Variants in ARB2A observed in about 807,000 individuals in gnomAD.
ARB2A encodes cotranscriptional regulator ARB2A.
At chr5:93,745,281 T>C in the ARB2A span, among the ~76,000 whole-genome samples, 2 of 152,196 alleles carry the variant, frequency 1.3e-5, no homozygotes, top group African/African-American at 4.8e-5. Flanking sequence ...CCCTCCCCTC[T>C]AAACTTACTG....
the ARB2A span, among the ~76,000 whole-genome samples, chr5:93,963,323 T>C: frequency 6.6e-6 from 1 of 151,892 alleles, no homozygotes; most frequent in Non-Finnish European, 1.5e-5. Flanking sequence ...GGAAGAAAAA[T>C]TTCCAAATAA....
chr5:93,882,059 T>G, the ARB2A span, among the ~76,000 whole-genome samples: 1 of 151,584 alleles, frequency 6.6e-6, no homozygotes, highest in African/African-American at 2.4e-5. Flanking sequence ...TACTATCTGT[T>G]TTGAGAAAAC....
chr5:93,676,427 T>G, the ARB2A span, among the ~76,000 whole-genome samples: 3 of 152,244 alleles, frequency 2.0e-5, no homozygotes, highest in Non-Finnish European at 4.4e-5. Flanking sequence ...TGTTTATGCT[T>G]CATTTTGCAA....
the ARB2A span, among the ~76,000 whole-genome samples, chr5:93,957,124 C>G: frequency 6.6e-6 from 1 of 152,098 alleles, no homozygotes; most frequent in African/African-American, 2.4e-5. Context: ...ATGTTACTGA[C>G]AAACTTCCTC....
chr5:93,701,055 A>G, the ARB2A span, among the ~76,000 whole-genome samples: 1 of 152,156 alleles, frequency 6.6e-6, no homozygotes, highest in African/African-American at 2.4e-5. Flanking sequence ...ATGTGTTTGT[A>G]TCTAATCTAA....
At chr5:94,055,636 T>C in the ARB2A span, 1 of 985,310 alleles carries the variant, frequency 1.0e-6, no homozygotes, top group Non-Finnish European at 1.2e-6. Flanking sequence ...TTGACAATTC[T>C]TCATTCATTA....
the ARB2A span, among the ~76,000 whole-genome samples, chr5:94,020,341 G>A: frequency 6.6e-5 from 10 of 152,168 alleles, no homozygotes; most frequent in Non-Finnish European, 1.2e-4. Flanking sequence ...AGGTTGATGC[G>A]TGCAGCAAAC....
At chr5:93,741,242 G>T in the ARB2A span, 59 of 1,613,782 alleles carry the variant, frequency 3.7e-5, no homozygotes, top group Non-Finnish European at 4.8e-5. Flanking sequence ...GGAATGCTCC[G>T]CAGGGCAATG....
At chr5:93,848,810 C>T in the ARB2A span, among the ~76,000 whole-genome samples, 1 of 152,112 alleles carries the variant, frequency 6.6e-6, no homozygotes, top group Admixed American at 6.6e-5. Flanking sequence ...ACCTTGCTGG[C>T]GTCTAACATA....
At chr5:93,821,189 A>AT in the ARB2A span, among the ~76,000 whole-genome samples, 10 of 151,518 alleles carry the variant, frequency 6.6e-5, no homozygotes, top group Admixed American at 3.3e-4. Flanking sequence ...ATTTAAAACA[A>AT]TTTTTTTTTG....
chr5:93,852,023 C>G, the ARB2A span, among the ~76,000 whole-genome samples: 1 of 152,276 alleles, frequency 6.6e-6, no homozygotes, highest in East Asian at 1.9e-4. Context: ...CCTGAGGAAT[C>G]GCCACACTGA....
the ARB2A span, among the ~76,000 whole-genome samples, chr5:93,631,345 A>ATTT: frequency 6.6e-6 from 1 of 152,088 alleles, no homozygotes; most frequent in Non-Finnish European, 1.5e-5. Context: ...TGTTATAGAA[A>ATTT]TGTTTTGTTT....
chr5:94,029,841 G>A, the ARB2A span, among the ~76,000 whole-genome samples: 70 of 152,256 alleles, frequency 4.6e-4, no homozygotes, highest in Middle Eastern at 3.4e-3. Context: ...GTATAATGGC[G>A]TATTAATCTG....
At chr5:93,880,362 T>C in the ARB2A span, among the ~76,000 whole-genome samples, 3 of 151,702 alleles carry the variant, frequency 2.0e-5, no homozygotes, top group Non-Finnish European at 3.0e-5. Flanking sequence ...GATTATGCCA[T>C]GAACTAGAAT....
At chr5:93,898,341 A>T in the ARB2A span, among the ~76,000 whole-genome samples, 4 of 151,964 alleles carry the variant, frequency 2.6e-5, no homozygotes, top group East Asian at 7.7e-4. Flanking sequence ...AACCTTAAGC[A>T]TGACTGTTTC....
At chr5:93,651,988 T>C in the ARB2A span, among the ~76,000 whole-genome samples, 2 of 151,922 alleles carry the variant, frequency 1.3e-5, no homozygotes, top group African/African-American at 4.8e-5. Context: ...TATCAAAAAA[T>C]TTAACCCAAA....
At chr5:93,877,619 T>C in the ARB2A span, among the ~76,000 whole-genome samples, 2 of 152,226 alleles carry the variant, frequency 1.3e-5, no homozygotes, top group Non-Finnish European at 1.5e-5. Context: ...AAATAATTGG[T>C]AATATTAATT....
the ARB2A span, among the ~76,000 whole-genome samples, chr5:93,688,518 C>A: frequency 6.6e-6 from 1 of 152,324 alleles, no homozygotes; most frequent in Non-Finnish European, 1.5e-5. Flanking sequence ...GTTGATTCCT[C>A]CTTTTCTTCC....
chr5:93,776,857 G>A, the ARB2A span, among the ~76,000 whole-genome samples: 1 of 151,906 alleles, frequency 6.6e-6, no homozygotes, highest in African/African-American at 2.4e-5. Flanking sequence ...AAGTTTAGAT[G>A]GCCAAGCAGT....
Sources: gnomAD v4.1 joint callset for allele counts (sites outside exome capture counted in the v4.1 genomes callset) on GRCh38, gnomAD v4.1.1 for gene constraint, MANE v1.5 for transcripts, NCBI Gene and HGNC (gene_info 2026-07-23, HGNC 2026-07-21) for gene names.